The following SPINK2 variants were observed in gnomAD, a reference collection of about 807,000 sequenced individuals.
SPINK2 encodes serine peptidase inhibitor Kazal type 2.
Under a neutral mutation model 13.5 loss-of-function variants are expected in SPINK2, and 8 were observed. The ratio of observed to expected loss-of-function variants is 0.59; its 90% CI spans 0.35 to 1.07. The LOEUF (loss-of-function observed/expected upper bound fraction) is 1.07, where lower values mean the gene tolerates loss of function less well. Ranked by LOEUF, SPINK2 falls within the 50% of genes least tolerant of loss-of-function variation. The pLI is 0.02. For missense variants in SPINK2, 148 were observed against 180.3 expected (o/e 0.82, Z 1.03); for synonymous variants, 76 against 74.7 (o/e 1.02, Z -0.09).
chr4:56,813,916 GC>G (rs1717206696), intron 2 of SPINK2, among the ~76,000 whole-genome samples: 1 of 138,960 alleles, frequency 7.2e-6, no homozygotes, highest in Non-Finnish European at 1.5e-5. Context: ...ACTGCACCTG[GC>G]CCTTTTTTTT....
At chr4:56,814,387 T>C (rs1417348291) in intron 2 of SPINK2, among the ~76,000 whole-genome samples, 1 of 152,034 alleles carries the variant, frequency 6.6e-6, no homozygotes, top group Non-Finnish European at 1.5e-5. Context: ...AAGGTTCTTA[T>C]ACCGTTTACT....
intron 1 of SPINK2, 126 bp downstream of exon 1, chr4:56,821,332 T>C: frequency 7.1e-7 from 1 of 1,399,648 alleles, no homozygotes; most frequent in Non-Finnish European, 9.2e-7. Flanking sequence ...GAAAATCTAC[T>C]TTAACAGAGA....
intron 1 of SPINK2, among the ~76,000 whole-genome samples, chr4:56,820,997 T>C (rs562828384): frequency 2.2e-4 from 33 of 152,346 alleles, no homozygotes; most frequent in South Asian, 6.2e-4. Context: ...AAAGTCGCGC[T>C]AGCGCACTGC....
At chr4:56,819,396 C>T (rs753048874) in intron 2 of SPINK2, among the ~76,000 whole-genome samples, 2 of 152,118 alleles carry the variant, frequency 1.3e-5, no homozygotes, top group Non-Finnish European at 2.9e-5. Flanking sequence ...ACCAAATATA[C>T]AGACAATGAC....
chr4:56,810,418 G>C (rs1716882700), intron 3 of SPINK2: 2 of 492,730 alleles, frequency 4.1e-6, no homozygotes, highest in Non-Finnish European at 7.1e-6. Context: ...GAATCACTCA[G>C]AGAGCTGGGC....
chr4:56,821,384 G>T, intron 1 of SPINK2, 74 bp downstream of exon 1: 2 of 1,426,002 alleles, frequency 1.4e-6, no homozygotes, highest in Non-Finnish European at 1.8e-6. Context: ...TGGGAGCGAA[G>T]CCCAAGCAAG....
At chr4:56,820,129 C>G (rs1470216733) in intron 2 of SPINK2, among the ~76,000 whole-genome samples, 1 of 152,178 alleles carries the variant, frequency 6.6e-6, no homozygotes, top group Admixed American at 6.6e-5. Context: ...AGTTTTCCCA[C>G]TCCTCTCTTT....
upstream of SPINK2, chr4:56,821,797 G>C: frequency 1.0e-6 from 1 of 988,912 alleles, no homozygotes; most frequent in Non-Finnish European, 1.4e-6. Context: ...GCGGTAGGTG[G>C]CGAGGGAAGA....
chr4:56,820,487 T>G (rs1578439824), intron 2 of SPINK2, 49 bp downstream of exon 2: 2 of 1,504,926 alleles, frequency 1.3e-6, no homozygotes, highest in East Asian at 2.3e-5. Flanking sequence ...CCAAACGGTT[T>G]TGGGCTTCAC....
At chr4:56,820,677 C>A in intron 1 of SPINK2, 98 bp from the exon 2 acceptor site, 1 of 1,067,272 alleles carries the variant, frequency 9.4e-7, no homozygotes. Flanking sequence ...TGCTATGTTG[C>A]CCAGGCTGGT....
In SPINK2 at chr4:56,817,795, A is replaced by C. The variant is rs190030933; in HGVS notation, c.249+2741T>G. Among the ~76,000 whole-genome samples, 635 of 152,086 alleles carry C rather than the reference A, an allele frequency of 4.2e-3. 8 individuals carry two copies. The highest frequency in any genetic ancestry group is 0.013 in the African/African-American group (558 of 41,488). On this transcript the variant is annotated intron_variant, in intron 2 of 3. Transcript: ENST00000506738. ...CTTGAACTCAGCAGATGGAGGTTGC[A>C]GTGAGCCAAAATCGTGCCACTGCAC... is the stretch of plus-strand genomic sequence containing the variant.
At chr4:56,821,808 G>A (rs1717980341), upstream of SPINK2, 3 of 878,576 alleles carry the variant, frequency 3.4e-6, no homozygotes, top group Non-Finnish European at 4.8e-6. Flanking sequence ...CGAGGGAAGA[G>A]GGGCGGCGGG....
At chr4:56,812,563 CAAAAA>C (rs57162077) in intron 2 of SPINK2, among the ~76,000 whole-genome samples, 3 of 16,368 alleles carry the variant, frequency 1.8e-4, no homozygotes, top group Non-Finnish European at 3.7e-4. Flanking sequence ...AACTCCATCT[CAAAAA>C]AAAAAAAAAA....
intron 1 of SPINK2, 93 bp downstream of exon 1, chr4:56,821,365 C>A (rs1717918262): frequency 7.1e-7 from 1 of 1,414,928 alleles, no homozygotes; most frequent in Non-Finnish European, 9.2e-7. Flanking sequence ...TGGCAGGTGT[C>A]CTTAGAGCTG....
Position 56,811,682 on chromosome 4 carries a change from T to C in SPINK2, c.359+3A>G. On this transcript the variant is annotated splice_donor_region_variant and intron_variant, in intron 3 of 3. Transcript: ENST00000506738. The stretch of plus-strand genomic sequence containing the variant: ...CTAGTCTACAGCTGTAAAATCATGT[T>C]ACCTGATTTTCATGCACAGAGTACA... 1 of 1,577,642 alleles carries C rather than the reference T, an allele frequency of 6.3e-7. No homozygotes were observed. Among genetic ancestry groups the C allele is most frequent in the Non-Finnish European group, 8.7e-7 (1 of 1,154,266 alleles).
intron 2 of SPINK2, among the ~76,000 whole-genome samples, chr4:56,813,311 G>GA (rs1350539780): frequency 6.6e-6 from 1 of 152,094 alleles, no homozygotes; most frequent in Admixed American, 6.6e-5. Flanking sequence ...CAACAACAGC[G>GA]AAACTGTCTC....
intron 2 of SPINK2, among the ~76,000 whole-genome samples, chr4:56,812,883 T>A (rs1279248798): frequency 6.6e-6 from 1 of 152,186 alleles, no homozygotes; most frequent in Non-Finnish European, 1.5e-5. Flanking sequence ...AACAGGTTCA[T>A]CATCTATGGA....
intron 1 of SPINK2, 142 bp from the exon 2 acceptor site, chr4:56,820,721 T>C (rs937898504): frequency 7.8e-6 from 5 of 638,286 alleles, no homozygotes; most frequent in Middle Eastern, 4.3e-4. Flanking sequence ...TCTTCCTGCC[T>C]AGGCCTCCCA....
intron 2 of SPINK2, among the ~76,000 whole-genome samples, chr4:56,816,079 A>T (rs187837064): frequency 6.6e-6 from 1 of 152,274 alleles, no homozygotes; most frequent in East Asian, 1.9e-4. Context: ...CTCTAGCATG[A>T]GCCACAGAAC....
Sources: gnomAD v4.1 joint callset for allele counts (sites outside exome capture counted in the v4.1 genomes callset) on GRCh38, gnomAD v4.1.1 for gene constraint, MANE v1.5 for transcripts, NCBI Gene and HGNC (gene_info 2026-07-23, HGNC 2026-07-21) for gene names.